Variants in PPHLN1 observed in about 807,000 individuals in gnomAD.
The protein encoded by PPHLN1 is periphilin-1.
In PPHLN1, 29 loss-of-function variants were observed where a neutral mutation model predicts 51.3. The observed-to-expected ratio is 0.57, with a 90% confidence interval of 0.42 to 0.77. PPHLN1 has a LOEUF of 0.77. PPHLN1 is among the 30% of genes least tolerant of loss of function. PPHLN1 has a pLI of 0.00. For synonymous variants in PPHLN1, 147 were observed against 147.8 expected (o/e 0.99, Z 0.04); for missense variants, 436 against 438.4 (o/e 0.99, Z 0.05).
intron 2 of PPHLN1, among the ~76,000 whole-genome samples, chr12:42,350,649 C>T (rs538586371): frequency 4.1e-4 from 63 of 152,116 alleles, no homozygotes; most frequent in Middle Eastern, 3.2e-3. Flanking sequence ...GCGGAGATCA[C>T]GCCACTGCAC....
At chr12:42,335,024 G>C (rs546382879) in intron 1 of PPHLN1, among the ~76,000 whole-genome samples, 1 of 152,212 alleles carries the variant, frequency 6.6e-6, no homozygotes, top group South Asian at 2.1e-4. Context: ...TTATAGTATT[G>C]CCATTTCATA....
chr12:42,439,571 G>C (rs1340627479), intron 9 of PPHLN1, among the ~76,000 whole-genome samples: 1 of 152,212 alleles, frequency 6.6e-6, no homozygotes, highest in Non-Finnish European at 1.5e-5. Context: ...CTGGAGTGCA[G>C]TGGCACGATC....
At chr12:42,433,852 T>G (rs979616922) in intron 9 of PPHLN1, among the ~76,000 whole-genome samples, 42 of 152,156 alleles carry the variant, frequency 2.8e-4, no homozygotes, top group African/African-American at 9.7e-4. Context: ...CAAACCTGTA[T>G]TGTTCAAGGA....
intron 9 of PPHLN1, among the ~76,000 whole-genome samples, 188 bp from the exon 10 acceptor site, chr12:42,441,127 G>A (rs1179443366): frequency 6.6e-6 from 1 of 152,164 alleles, no homozygotes; most frequent in Non-Finnish European, 1.5e-5. Context: ...GGTATTGTCA[G>A]CAGATCTCAT....
Position 42,439,467 on chromosome 12 carries a change from T to A in PPHLN1, c.910-1848T>A, listed in dbSNP as rs570623877. Among the ~76,000 whole-genome samples the A allele has an allele frequency of 6.6e-5, 10 of 152,362 alleles. No homozygotes were observed. In the South Asian group the frequency reaches 2.1e-3, roughly 32 times the overall value. On this transcript the variant is annotated intron_variant, in intron 9 of 9. Coordinates refer to ENST00000358314, the MANE Select transcript of PPHLN1 (RefSeq NM_201439.2). ...CTGTTCTTCTGCCAATGGCATACAA[T>A]CTTGATTACTGTAGCTTTAAAGTAA...
chr12:42,435,665 T>A (rs1288570512), intron 9 of PPHLN1, among the ~76,000 whole-genome samples: 2 of 152,222 alleles, frequency 1.3e-5, no homozygotes, highest in African/African-American at 4.8e-5. Context: ...TTCTTTTTTT[T>A]AACTTATTTT....
chr12:42,431,025 A>G (rs1266515520), intron 9 of PPHLN1, among the ~76,000 whole-genome samples: 1 of 152,246 alleles, frequency 6.6e-6, no homozygotes, highest in Non-Finnish European at 1.5e-5. Flanking sequence ...TTTTAACTAA[A>G]GCTATGTTTT....
intron 2 of PPHLN1, among the ~76,000 whole-genome samples, chr12:42,349,182 AT>A (rs1347891406): frequency 6.6e-6 from 1 of 152,156 alleles, no homozygotes; most frequent in Non-Finnish European, 1.5e-5. Context: ...GATACTTAGT[AT>A]TTTTTTCCGT....
intron 1 of PPHLN1, among the ~76,000 whole-genome samples, chr12:42,329,094 ATTT>A (rs775555753): frequency 0.01 from 1,420 of 141,414 alleles, 27 homozygotes; most frequent in African/African-American, 0.035. Context: ...TGGAATTTCA[ATTT>A]TTTTTTTTTT....
intron 1 of PPHLN1, among the ~76,000 whole-genome samples, chr12:42,332,374 G>C (rs935486960): frequency 7.9e-5 from 12 of 152,050 alleles, no homozygotes; most frequent in Admixed American, 2.6e-4. Context: ...TAAACATCTA[G>C]TACAATCTCA....
At chr12:42,420,456 G>C (rs1355003960) in intron 9 of PPHLN1, among the ~76,000 whole-genome samples, 1 of 151,640 alleles carries the variant, frequency 6.6e-6, no homozygotes, top group African/African-American at 2.4e-5. Context: ...AGTGAAGCAG[G>C]GTATCTCTAA....
intron 1 of PPHLN1, among the ~76,000 whole-genome samples, chr12:42,334,098 G>C (rs1281984334): frequency 6.6e-6 from 1 of 152,024 alleles, no homozygotes; most frequent in Non-Finnish European, 1.5e-5. Context: ...TAACTCTTTA[G>C]ACTGAAACCT....
chr12:42,337,075 G>GTGAATT (rs1330303877), intron 2 of PPHLN1, among the ~76,000 whole-genome samples: 2 of 152,016 alleles, frequency 1.3e-5, no homozygotes, highest in Admixed American at 1.3e-4. Context: ...TTATTTCCAG[G>GTGAATT]TGAATTTGTA....
intron 5 of PPHLN1, among the ~76,000 whole-genome samples, chr12:42,378,081 T>G (rs1023625581): frequency 4.7e-5 from 7 of 150,268 alleles, no homozygotes; most frequent in African/African-American, 1.7e-4. Context: ...TAGCTATCTA[T>G]CTATCTTTCT....
At chr12:42,328,634 C>T (rs925066851) in intron 1 of PPHLN1, among the ~76,000 whole-genome samples, 7 of 152,318 alleles carry the variant, frequency 4.6e-5, no homozygotes, top group African/African-American at 1.7e-4. Flanking sequence ...GCAGTACATT[C>T]GGGCTTATAA....
At chr12:42,446,639 G>A (rs957324405), downstream of PPHLN1, 8 of 1,612,584 alleles carry the variant, frequency 5.0e-6, no homozygotes, top group African/African-American at 1.1e-4. Flanking sequence ...TGACAAAACT[G>A]TTGCTGCACA....
chr12:42,431,829 T>C, intron 9 of PPHLN1: 1 of 1,391,794 alleles, frequency 7.2e-7, no homozygotes, highest in Non-Finnish European at 1.0e-6. Context: ...TTCAATCACA[T>C]ATTTTGCCTA....
intron 4 of PPHLN1, among the ~76,000 whole-genome samples, chr12:42,365,316 C>G (rs1042114924): frequency 6.6e-6 from 1 of 152,098 alleles, no homozygotes; most frequent in Admixed American, 6.5e-5. Context: ...AAGGAAGTAG[C>G]CAATATTTTA....
intron 8 of PPHLN1, 132 bp downstream of exon 8, chr12:42,393,821 C>A: frequency 1.2e-6 from 1 of 849,060 alleles, no homozygotes; most frequent in Non-Finnish European, 1.7e-6. Flanking sequence ...TTAAAATTAC[C>A]ACACAGAATG....
Sources: allele counts gnomAD v4.1 joint callset (sites outside exome capture counted in the v4.1 genomes callset), GRCh38; gene constraint gnomAD v4.1.1; transcripts MANE v1.5; gene names NCBI Gene and HGNC (gene_info 2026-07-23, HGNC 2026-07-21).